Variants in MACROD2 observed in about 807,000 individuals in gnomAD.
MACROD2 encodes mono-ADP ribosylhydrolase 2.
MACROD2 carries 36 observed loss-of-function variants against 70.4 expected under a neutral mutation model. That is an observed-to-expected ratio of 0.51 (90% CI 0.39 to 0.68). MACROD2 has a LOEUF of 0.68. Among genes scored for constraint, MACROD2 ranks in the 30% least tolerant of loss-of-function variants. The pLI is 0.00. For missense variants in MACROD2, 496 were observed against 538.4 expected (o/e 0.92, Z 0.78); for synonymous variants, 172 against 178.8 (o/e 0.96, Z 0.30).
chr20:14,200,467 A>G (rs918914971), intron 3 of MACROD2, among the ~76,000 whole-genome samples: 2 of 152,186 alleles, frequency 1.3e-5, no homozygotes, highest in African/African-American at 4.8e-5. Context: ...AATAATCTGT[A>G]CAACAAACCC....
chr20:15,029,716 T>C (rs903538822), intron 5 of MACROD2, among the ~76,000 whole-genome samples: 2 of 152,184 alleles, frequency 1.3e-5, no homozygotes, highest in African/African-American at 4.8e-5. Context: ...TTATGCCAAG[T>C]GTATGAAGAC....
intron 6 of MACROD2, among the ~76,000 whole-genome samples, chr20:15,332,510 T>C (rs1361516814): frequency 1.3e-5 from 2 of 151,666 alleles, no homozygotes; most frequent in Non-Finnish European, 2.9e-5. Context: ...TTGATTTAGA[T>C]AAAAACAAGC....
chr20:14,037,273 A>G (rs895371585), intron 2 of MACROD2, among the ~76,000 whole-genome samples: 1 of 152,232 alleles, frequency 6.6e-6, no homozygotes, highest in Non-Finnish European at 1.5e-5. Context: ...GGCATCATTA[A>G]TTTGGCCAAA....
chr20:16,017,413 T>C (rs1473974981), intron 15 of MACROD2, among the ~76,000 whole-genome samples: 1 of 152,206 alleles, frequency 6.6e-6, no homozygotes, highest in Non-Finnish European at 1.5e-5. Flanking sequence ...CCATACTTAC[T>C]AGCAATCATT....
intron 2 of MACROD2, among the ~76,000 whole-genome samples, chr20:14,019,057 G>GA (rs1234054501): frequency 4.4e-4 from 67 of 152,234 alleles, no homozygotes; most frequent in African/African-American, 1.6e-3. Flanking sequence ...CAGCAAAACA[G>GA]GGCACTCCTT....
intron 6 of MACROD2, among the ~76,000 whole-genome samples, chr20:15,336,939 A>G (rs1245845500): frequency 6.6e-6 from 1 of 151,600 alleles, no homozygotes; most frequent in East Asian, 1.9e-4. Flanking sequence ...AAACACAACT[A>G]TTTCCTTGAG....
intron 3 of MACROD2, among the ~76,000 whole-genome samples, chr20:14,334,149 C>T (rs1205733695): frequency 6.6e-6 from 1 of 152,132 alleles, no homozygotes. Flanking sequence ...CTATTGCTTT[C>T]TACTTAAAAT....
At chr20:15,271,154 T>C (rs2077342872) in intron 6 of MACROD2, among the ~76,000 whole-genome samples, 2 of 152,178 alleles carry the variant, frequency 1.3e-5, no homozygotes, top group Non-Finnish European at 2.9e-5. Flanking sequence ...CAACCCAGAT[T>C]TCTCACAGTT....
chr20:15,144,615 G>A (rs2076217202), intron 5 of MACROD2, among the ~76,000 whole-genome samples: 1 of 152,126 alleles, frequency 6.6e-6, no homozygotes, highest in Non-Finnish European at 1.5e-5. Flanking sequence ...AATCACCAAA[G>A]TCATAAGAGC....
intron 3 of MACROD2, among the ~76,000 whole-genome samples, chr20:14,390,575 C>T (rs11699008): frequency 4.6e-5 from 7 of 152,036 alleles, no homozygotes; most frequent in Non-Finnish European, 8.8e-5. Flanking sequence ...AATAGAGAAC[C>T]CAGAGATAAG....
intron 2 of MACROD2, among the ~76,000 whole-genome samples, chr20:14,044,889 G>A (rs1005111404): frequency 6.6e-6 from 1 of 152,178 alleles, no homozygotes; most frequent in Admixed American, 6.5e-5. Flanking sequence ...AGTGGCGCTC[G>A]GGGAGGCTCG....
chr20:15,888,359 T>C (rs2064847236), intron 10 of MACROD2, among the ~76,000 whole-genome samples: 1 of 152,174 alleles, frequency 6.6e-6, no homozygotes. Context: ...CTTGCCATTC[T>C]CATTTATCCT....
intron 2 of MACROD2, among the ~76,000 whole-genome samples, chr20:14,032,312 T>C (rs1377882694): frequency 6.6e-6 from 1 of 152,152 alleles, no homozygotes; most frequent in African/African-American, 2.4e-5. Context: ...GGATTTTTTG[T>C]GAGATTCCTA....
chr20:15,897,943 C>T (rs2064998809), intron 10 of MACROD2, among the ~76,000 whole-genome samples: 2 of 152,208 alleles, frequency 1.3e-5, no homozygotes, highest in Admixed American at 6.5e-5. Flanking sequence ...TTTAAGAGCT[C>T]ATTTATTTAC....
At chr20:14,657,570 G>A (rs988381546) in intron 4 of MACROD2, among the ~76,000 whole-genome samples, 15 of 152,218 alleles carry the variant, frequency 9.9e-5, no homozygotes, top group African/African-American at 2.9e-4. Context: ...TGCCACCTGC[G>A]TGGTTGGGCA....
At chr20:14,740,866 C>T (rs968725366) in intron 5 of MACROD2, among the ~76,000 whole-genome samples, 4 of 152,092 alleles carry the variant, frequency 2.6e-5, no homozygotes, top group African/African-American at 9.7e-5. Flanking sequence ...CCTTTGTGGG[C>T]CCTTCTCCTT....
chr20:15,158,320 GTAA>G (rs1197931694), intron 5 of MACROD2, among the ~76,000 whole-genome samples: 2 of 152,270 alleles, frequency 1.3e-5, no homozygotes, highest in East Asian at 1.9e-4. Flanking sequence ...AATAGCAGTA[GTAA>G]TAATAATAGC....
chr20:14,454,206 A>G (rs991393982), intron 3 of MACROD2, among the ~76,000 whole-genome samples: 4 of 151,866 alleles, frequency 2.6e-5, no homozygotes, highest in African/African-American at 7.3e-5. Context: ...TTAAAATTCT[A>G]TTCTTTCTTA....
chr20:15,309,866 A>G (rs2077733963), intron 6 of MACROD2, among the ~76,000 whole-genome samples: 1 of 152,218 alleles, frequency 6.6e-6, no homozygotes, highest in African/African-American at 2.4e-5. Context: ...AAGCGAATAA[A>G]GATTTTAAGT....
Sources: gnomAD v4.1 joint callset for allele counts (sites outside exome capture counted in the v4.1 genomes callset) on GRCh38, gnomAD v4.1.1 for gene constraint, MANE v1.5 for transcripts, NCBI Gene and HGNC (gene_info 2026-07-23, HGNC 2026-07-21) for gene names.